Variants in ABCC3 observed in about 807,000 individuals in gnomAD.
ABCC3 encodes the protein ATP binding cassette subfamily C member 3.
In ABCC3, 121 loss-of-function variants were observed where a neutral mutation model predicts 165.3. The ratio of observed to expected loss-of-function variants is 0.73; its 90% CI spans 0.63 to 0.85. The LOEUF (loss-of-function observed/expected upper bound fraction) is 0.85. ABCC3 is among the 40% of genes least tolerant of loss of function. ABCC3 has a pLI of 0.00. For synonymous variants in ABCC3, 733 were observed against 810.1 expected (o/e 0.90, Z 1.62); for missense variants, 1,869 against 1,964.1 (o/e 0.95, Z 0.92).
rs373747748 is a variant in ABCC3, at chr17:50,673,081, T to G, written c.2352T>G (p.His784Gln). The change falls in exon 18 of 31, where the codon CAT (histidine) becomes CAG (glutamine). Residue 784 changes from histidine to glutamine, a missense_variant. Physicochemically the swap from His to Gln is conservative, Grantham distance 24. Coordinates refer to ENST00000285238, the MANE Select transcript of ABCC3 (RefSeq NM_003786.4). ...LDDPLSAVDS[H>Q]VAKHIFDHVI... ...ACCCACTGTCCGCGGTGGACTCTCATGTGGCCAAGCACATCTTTGACCACG... is the reference window on the plus strand; with the variant it reads ...ACCCACTGTCCGCGGTGGACTCTCAGGTGGCCAAGCACATCTTTGACCACG... 16 of 1,614,094 alleles carry G rather than the reference T, an allele frequency of 9.9e-6. No homozygotes were observed. The East Asian group carries it at 3.6e-4, about 36-fold the overall frequency.
In ABCC3 at chr17:50,679,871, T is replaced by A. The variant is rs779457161; in HGVS notation, c.3779T>A (p.Val1260Asp). Residue 1260 changes from valine (V) to aspartate (D), a missense_variant, in exon 26 of 31, where the codon GTC becomes GAC. Coordinates refer to ENST00000285238, the MANE Select transcript of ABCC3 (RefSeq NM_003786.4). ...TCTAACATCGTGGCTGTGGAGAGGGTCAAGGAGTACTCCAAGACAGAGACA... is the reference window on the plus strand; with the variant it reads ...TCTAACATCGTGGCTGTGGAGAGGGACAAGGAGTACTCCAAGACAGAGACA... ...LESNIVAVERVKEYSKTETEA... is the reference protein window; with the variant it reads ...LESNIVAVERDKEYSKTETEA... The A allele has an allele frequency of 1.3e-5, 21 of 1,613,714 alleles. No homozygotes were observed. The highest frequency in any genetic ancestry group is 4.2e-6 in the Non-Finnish European group (5 of 1,179,922).
chr17:50,673,993 T>C (rs1967734142), intron 19 of ABCC3, among the ~76,000 whole-genome samples: 2 of 7,506 alleles, frequency 2.7e-4, no homozygotes, highest in Non-Finnish European at 4.9e-4. Context: ...TCTCTCTCTC[T>C]CTCTCTCTCT....
At chr17:50,644,318 A>G (rs1966955800) in intron 1 of ABCC3, among the ~76,000 whole-genome samples, 1 of 145,064 alleles carries the variant, frequency 6.9e-6, no homozygotes. Flanking sequence ...CTCAAAAAAA[A>G]AAAAAAAAAA....
rs1279192748 is a variant in ABCC3 at position 50,673,468 on chromosome 17, G to C, written c.2410-1G>C. On this transcript the variant is annotated splice_acceptor_variant, in intron 18 of 30. Transcript: ENST00000285238. LOFTEE classifies it high-confidence loss of function. ...GTGAGAGCCTGCTGCCTTCTCCCCA[G>C]ACGCGAGTGCTGGTGACGCACGGCA... 3 of 1,613,768 alleles carry C rather than the reference G, an allele frequency of 1.9e-6. No homozygotes were observed. The highest frequency in any genetic ancestry group is 2.5e-6 in the Non-Finnish European group (3 of 1,179,804).
In ABCC3 at chr17:50,687,624, G is replaced by C. The variant is rs750999404; in HGVS notation, c.4369G>C (p.Asp1457His). The C allele has an allele frequency of 1.9e-6, 3 of 1,614,198 alleles. No homozygotes were observed. Among genetic ancestry groups the C allele is most frequent in the Non-Finnish European group, 2.5e-6 (3 of 1,180,038 alleles). The change falls in exon 30 of 31, where the codon GAC becomes CAC. Residue 1457 changes from aspartate to histidine, a missense_variant. Coordinates refer to ENST00000285238, the MANE Select transcript of ABCC3 (RefSeq NM_003786.4). Reference sequence around the variant, plus strand: ...TTTAGACGAGGCCACAGCTGCCATCGACCTGGAGACTGACAACCTCATCCA... The same window carrying C: ...TTTAGACGAGGCCACAGCTGCCATCCACCTGGAGACTGACAACCTCATCCA... ...LVLDEATAAIDLETDNLIQAT... is the reference protein window; with the variant it reads ...LVLDEATAAIHLETDNLIQAT...
intron 30 of ABCC3, among the ~76,000 whole-genome samples, chr17:50,689,673 G>A (rs889598715): frequency 1.3e-5 from 2 of 152,170 alleles, no homozygotes; most frequent in African/African-American, 2.4e-5. Context: ...GCCAAGCTGA[G>A]AATGCCTGAT....
intron 29 of ABCC3, 21 bp downstream of exon 29, chr17:50,684,896 G>A: frequency 1.2e-6 from 2 of 1,608,448 alleles, no homozygotes; most frequent in Non-Finnish European, 1.7e-6. Context: ...GGAGTGCAGA[G>A]GTCAGGAACT....
intron 23 of ABCC3, 67 bp from the exon 24 acceptor site, chr17:50,677,677 C>T: frequency 6.7e-7 from 1 of 1,494,020 alleles, no homozygotes; most frequent in East Asian, 2.3e-5. Flanking sequence ...TGGATGAGTT[C>T]AGAGACAGGC....
At chr17:50,669,598 A>G (rs1446315414) in intron 17 of ABCC3, 70 bp downstream of exon 17, 38 of 1,521,150 alleles carry the variant, frequency 2.5e-5, no homozygotes, top group South Asian at 8.2e-5. Flanking sequence ...GCCCAGGTCC[A>G]TATATTCATC....
At chr17:50,643,496 G>T in intron 1 of ABCC3, 1 of 455,230 alleles carries the variant, frequency 2.2e-6, no homozygotes, top group Non-Finnish European at 4.4e-6. Context: ...GTCCCTGACT[G>T]CATGCTTCAC....
At chr17:50,684,340 T>C (rs1371851472) in intron 28 of ABCC3, among the ~76,000 whole-genome samples, 1 of 152,160 alleles carries the variant, frequency 6.6e-6, no homozygotes, top group Non-Finnish European at 1.5e-5. Flanking sequence ...GGCCAGCACA[T>C]GGGGAAGGAC....
Position 50,657,113 on chromosome 17 carries a change from T to A in ABCC3, c.416T>A (p.Ile139Asn), listed in dbSNP as rs1967269091. The change falls in exon 4 of 31, where the codon ATC becomes AAC. Residue 139 changes from isoleucine to asparagine, a missense_variant. Coordinates refer to ENST00000285238, the MANE Select transcript of ABCC3 (RefSeq NM_003786.4). Reference protein sequence around the residue: ...QGVQSSGVLIIFWFLCVVCAI... With the variant: ...QGVQSSGVLINFWFLCVVCAI... ...GTACAGTCTTCGGGGGTCCTCATTA[T>A]CTTCTGGTTCCTGTGTGTGGTCTGC... is the stretch of plus-strand genomic sequence containing the variant. The A allele has an allele frequency of 6.2e-7, 1 of 1,614,046 alleles. No individual in the cohort carries two copies. The highest frequency in any genetic ancestry group is 1.3e-5 in the African/African-American group (1 of 74,920).
rs554634232 is a variant in ABCC3 at position 50,653,515 on chromosome 17, C to T, written c.46-2317C>T. On this transcript the variant is annotated intron_variant, in intron 1 of 30. Transcript: ENST00000285238. ...CCTGTAATCCCAGCACTTTGGGAGG[C>T]TGAGGCAGGCAGATCACCTGAGGTC... Among the ~76,000 whole-genome samples, 3 of 151,970 alleles carry T rather than the reference C, an allele frequency of 2.0e-5. No individual in the cohort carries two copies. The East Asian group carries it at 5.8e-4, about 29-fold the overall frequency.
intron 19 of ABCC3, among the ~76,000 whole-genome samples, chr17:50,673,984 C>CTTTCTTTCCTTCCTTCCTTCCT (rs1567835582): frequency 8.7e-5 from 1 of 11,548 alleles, no homozygotes; most frequent in Non-Finnish European, 1.5e-4. Context: ...TTCTTTCTCT[C>CTTTCTTTCCTTCCTTCCTTCCT]TCTCTCTCTC....
Position 50,667,978 on chromosome 17 carries a change from T to C in ABCC3, c.1751T>C (p.Met584Thr). Reference protein sequence around the residue: ...LFNILRLPLNMLPQLISNLTQ... With the variant: ...LFNILRLPLNTLPQLISNLTQ... ...AATATCTTAAGACTTCCCCTCAACA[T>C]GCTGCCCCAGTTAATCAGCAACCTG... Residue 584 changes from methionine (M) to threonine (T), a missense_variant, in exon 13 of 31, where the codon ATG becomes ACG. Met to Thr is a moderately conservative substitution (Grantham distance 81, BLOSUM62 -1). Coordinates refer to ENST00000285238, the MANE Select transcript of ABCC3 (RefSeq NM_003786.4). 1 of 1,614,156 alleles carries C rather than the reference T, an allele frequency of 6.2e-7. No homozygotes were observed. Among genetic ancestry groups the C allele is most frequent in the Non-Finnish European group, 8.5e-7 (1 of 1,180,020 alleles).
intron 17 of ABCC3, among the ~76,000 whole-genome samples, chr17:50,671,700 TCC>T (rs1491442782): frequency 8.4e-6 from 1 of 118,494 alleles, no homozygotes; most frequent in African/African-American, 3.1e-5. Flanking sequence ...CTTCCTTCCT[TCC>T]TTTTTTTTTT....
chr17:50,673,964 CTTTCTTTCTTTCTT>C (rs1967719125), intron 19 of ABCC3, among the ~76,000 whole-genome samples: 2 of 23,172 alleles, frequency 8.6e-5, no homozygotes, highest in African/African-American at 2.1e-4. Context: ...TTCTTTCTTT[CTTTCTTTCTTTCTT>C]TCTCTCTCTC....
chr17:50,637,725 G>A (rs1174865330), intron 1 of ABCC3, among the ~76,000 whole-genome samples: 2 of 152,286 alleles, frequency 1.3e-5, no homozygotes, highest in Non-Finnish European at 2.9e-5. Flanking sequence ...GACAGGGAAT[G>A]TGGAATGATT....
At chr17:50,685,911 C>T (rs1024008043) in intron 29 of ABCC3, among the ~76,000 whole-genome samples, 1 of 152,138 alleles carries the variant, frequency 6.6e-6, no homozygotes, top group Non-Finnish European at 1.5e-5. Context: ...AAAACTAAAA[C>T]AAGGCCAGGC....
Sources: allele counts gnomAD v4.1 joint callset (sites outside exome capture counted in the v4.1 genomes callset), GRCh38; gene constraint gnomAD v4.1.1; transcripts MANE v1.5; gene names NCBI Gene and HGNC (gene_info 2026-07-23, HGNC 2026-07-21).